Variants in TRIM33 observed in about 807,000 individuals in gnomAD.
The protein encoded by TRIM33 is E3 ubiquitin-protein ligase TRIM33.
Under a neutral mutation model 125.4 loss-of-function variants are expected in TRIM33, and 20 were observed. That is an observed-to-expected ratio of 0.16 (90% CI 0.11 to 0.23). The LOEUF is 0.23. TRIM33 is among the 10% of genes least tolerant of loss of function. TRIM33 has a pLI of 1.00. For synonymous variants in TRIM33, 564 were observed against 513.9 expected (o/e 1.10, Z -1.32); for missense variants, 920 against 1,411.4 (o/e 0.65, Z 5.58).
chr1:114,474,077 T>A (rs1340318471), intron 1 of TRIM33, among the ~76,000 whole-genome samples: 1 of 150,972 alleles, frequency 6.6e-6, no homozygotes, highest in Non-Finnish European at 1.5e-5. Context: ...TTGCTTAAAT[T>A]TTTTGTAGAG....
intron 4 of TRIM33, among the ~76,000 whole-genome samples, chr1:114,436,835 T>C (rs191971686): frequency 6.6e-6 from 1 of 152,316 alleles, no homozygotes. Flanking sequence ...AGAGCAACAT[T>C]TGATTTATCC....
At position 114,445,341 on chromosome 1, in the gene TRIM33, G is replaced by A. The variant is rs571791430; in HGVS notation, c.924-11608C>T. 3.2e-4 allele frequency among the ~76,000 whole-genome samples: 48 copies of A among 152,136 alleles called. 1 individual carries two copies. The South Asian group carries it at 3.3e-3, about 11-fold the overall frequency. ...CAGCCTCAACCTCCTGGCCTCAAGC[G>A]ATCCTCCCACCTCAGCCTCCCAAGT... is the stretch of plus-strand genomic sequence containing the variant. On this transcript the variant is annotated intron_variant, in intron 4 of 19. Coordinates refer to ENST00000358465, the MANE Select transcript of TRIM33 (RefSeq NM_015906.4).
intron 11 of TRIM33, among the ~76,000 whole-genome samples, chr1:114,414,716 T>G (rs1652818897): frequency 6.6e-6 from 1 of 152,158 alleles, no homozygotes; most frequent in African/African-American, 2.4e-5. Context: ...TCCTGGCCTG[T>G]AAACTCTATG....
At chr1:114,481,655 G>T (rs1036960313) in intron 1 of TRIM33, among the ~76,000 whole-genome samples, 3 of 142,182 alleles carry the variant, frequency 2.1e-5, no homozygotes, top group Non-Finnish European at 4.6e-5. Flanking sequence ...GTGTGTGTGT[G>T]TGTGTGTATA....
At chr1:114,449,422 C>G (rs959301317) in intron 4 of TRIM33, among the ~76,000 whole-genome samples, 1 of 152,150 alleles carries the variant, frequency 6.6e-6, no homozygotes, top group African/African-American at 2.4e-5. Context: ...GAGGGGACGT[C>G]TGGGAGTGTG....
intron 15 of TRIM33, chr1:114,404,270 G>A (rs1005409938): frequency 1.3e-5 from 2 of 151,576 alleles, no homozygotes; most frequent in African/African-American, 4.8e-5. Flanking sequence ...GAGTAACTGG[G>A]ACTACAAGGT....
intron 6 of TRIM33, among the ~76,000 whole-genome samples, chr1:114,429,939 GA>G (rs1647836514): frequency 6.6e-6 from 1 of 152,000 alleles, no homozygotes; most frequent in Non-Finnish European, 1.5e-5. Flanking sequence ...TTCATGAACT[GA>G]CTAGATTTTC....
At chr1:114,487,330 C>G (rs1411595751) in intron 1 of TRIM33, among the ~76,000 whole-genome samples, 2 of 133,572 alleles carry the variant, frequency 1.5e-5, no homozygotes, top group African/African-American at 5.6e-5. Context: ...CATGTAAAAC[C>G]ATGCAGGCCA....
Position 114,463,219 on chromosome 1 carries a change from C to T in TRIM33, c.808G>A (p.Gly270Ser), listed in dbSNP as rs780386776. 1.2e-6 allele frequency: 2 copies of T among 1,606,402 alleles called. No individual in the cohort carries two copies. The highest frequency in any genetic ancestry group is 1.7e-6 in the Non-Finnish European group (2 of 1,178,060). The change falls in exon 4 of 20, where the codon GGT becomes AGT. Residue 270 changes from glycine (G) to serine (S), a missense_variant. This residue lies in a region of TRIM33 where 24 missense variants were observed against 83.9 expected (regional missense o/e 0.29). Transcript: ENST00000358465. ...EDVSESVGAS[G>S]QRPVFCPVHK... is the part of the protein sequence containing the mutation. ...ACAGGGCAGAAAACAGGGCGTTGAC[C>T]AGATGCTCCAACAGACTCTGTAGCA... is the stretch of plus-strand genomic sequence containing the variant.
In TRIM33 at chr1:114,510,993, C is replaced by G; in HGVS notation, c.84G>C (p.Gly28=). 7.5e-7 allele frequency: 1 copy of G among 1,328,360 alleles called. No individual in the cohort carries two copies. The highest frequency in any genetic ancestry group is 1.9e-5 in the South Asian group (1 of 52,074). The allele number at this position is 1,328,360 out of a possible 1,614,324, so 82.3% of individuals were successfully genotyped here. A position where few individuals can be genotyped will look rare whatever the true frequency, so the allele number is the denominator to read the frequency against. Residue 28 remains glycine (G), a synonymous_variant, in exon 1 of 20, where the codon GGG becomes GGC. Coordinates refer to ENST00000358465, the MANE Select transcript of TRIM33 (RefSeq NM_015906.4). ...GCGGCTCCGCCTCCTGCGCGGCGGG[C>G]CCGGCGGCCCCGGCAGTTACCGGCG... ...GSAPVTAGAA[G]PAAQEAEPPL...
At chr1:114,477,563 T>C (rs1476567565) in intron 1 of TRIM33, among the ~76,000 whole-genome samples, 1 of 152,212 alleles carries the variant, frequency 6.6e-6, no homozygotes, top group Non-Finnish European at 1.5e-5. Context: ...CAAAGGTTGT[T>C]GGGAAGACTA....
At chr1:114,499,459 G>C (rs11102801) in intron 1 of TRIM33, among the ~76,000 whole-genome samples, 3,473 of 150,814 alleles carry the variant, frequency 0.023, 127 homozygotes, top group African/African-American at 0.08. Flanking sequence ...TCTGGGTTCG[G>C]GGTAAGGAAA....
At chr1:114,496,377 T>C (rs370840350) in intron 1 of TRIM33, among the ~76,000 whole-genome samples, 19 of 152,230 alleles carry the variant, frequency 1.2e-4, no homozygotes, top group African/African-American at 3.6e-4. Context: ...TTTGTGATGT[T>C]AGAAGTAGAA....
chr1:114,481,130 G>A lies in TRIM33; in HGVS notation c.527-16742C>T, dbSNP rs528554587. 3.3e-5 allele frequency among the ~76,000 whole-genome samples: 5 copies of A among 152,036 alleles called. No homozygotes were observed. In the South Asian group the frequency reaches 6.2e-4, roughly 19 times the overall value. On this transcript the variant is annotated intron_variant, in intron 1 of 19. Transcript: ENST00000358465. ...GGAGGTTGCAATGAGCCAAGATCAC[G>A]CCACTGCACTGCAGCCTGGGCAACA...
intron 1 of TRIM33, among the ~76,000 whole-genome samples, chr1:114,506,383 CAA>C (rs370539194): frequency 6.8e-4 from 61 of 89,816 alleles, no homozygotes; most frequent in African/African-American, 1.1e-3. Flanking sequence ...AAAACTGTCT[CAA>C]AAAAAAAAAA....
At chr1:114,410,438 C>A in intron 11 of TRIM33, 122 bp from the exon 12 acceptor site, 1 of 1,018,510 alleles carries the variant, frequency 9.8e-7, no homozygotes. Flanking sequence ...TCAAGCTGAG[C>A]CTTATTATTG....
chr1:114,447,676 G>T (rs1195556914), intron 4 of TRIM33, among the ~76,000 whole-genome samples: 3 of 152,064 alleles, frequency 2.0e-5, no homozygotes, highest in Non-Finnish European at 4.4e-5. Flanking sequence ...CAACCTAGAA[G>T]AACAAACAAA....
chr1:114,395,071 T>C lies in TRIM33; in HGVS notation c.*2577A>G. ...ATAAACTAATAGGAAAACATATATC[T>C]AAATATCAATTTAAGTTTTTATACT... On this transcript the variant is annotated 3_prime_UTR_variant, in exon 20 of 20. Transcript: ENST00000358465. The C allele has an allele frequency of 5.2e-6, 1 of 191,744 alleles. No homozygotes were observed. Among genetic ancestry groups the C allele is most frequent in the Admixed American group, 6.1e-5 (1 of 16,350 alleles). The allele number at this position is 191,744 out of a possible 1,614,324, so 11.9% of individuals were successfully genotyped here.
chr1:114,433,608 C>A lies in TRIM33; in HGVS notation c.1040+9G>T. The A allele has an allele frequency of 6.5e-7, 1 of 1,543,956 alleles. No homozygotes were observed. Reference sequence around the variant, plus strand: ...TCTTAAAATTATGGTTTTAAGGCAACAAACTTACCTATTCTGCACCTGAGT... The same window carrying A: ...TCTTAAAATTATGGTTTTAAGGCAAAAAACTTACCTATTCTGCACCTGAGT... On this transcript the variant is annotated intron_variant, in intron 5 of 19. Transcript: ENST00000358465.
Sources: allele counts gnomAD v4.1 joint callset (sites outside exome capture counted in the v4.1 genomes callset), GRCh38; gene constraint gnomAD v4.1.1; regional missense constraint gnomAD v4.1.1; transcripts MANE v1.5; gene names NCBI Gene and HGNC (gene_info 2026-07-23, HGNC 2026-07-21).